Variants in PPP2R2B observed in about 807,000 individuals in gnomAD.
PPP2R2B encodes the protein serine/threonine-protein phosphatase 2A 55 kDa regulatory subunit B beta isoform.
In PPP2R2B, 5 loss-of-function variants were observed where a neutral mutation model predicts 46.0. That is an observed-to-expected ratio of 0.11 (90% CI 0.06 to 0.23). The LOEUF is 0.23. Among genes scored for constraint, PPP2R2B ranks in the 10% least tolerant of loss-of-function variants. The pLI, the probability that PPP2R2B is intolerant of heterozygous loss-of-function variation, is 1.00. For synonymous variants in PPP2R2B, 215 were observed against 206.7 expected (o/e 1.04, Z -0.34); for missense variants, 367 against 575.0 (o/e 0.64, Z 3.70).
At chr5:146,806,511 C>T (rs1757188013) in intron 2 of PPP2R2B, among the ~76,000 whole-genome samples, 1 of 152,198 alleles carries the variant, frequency 6.6e-6, no homozygotes, top group South Asian at 2.1e-4. Flanking sequence ...TCTTTCCATT[C>T]CTTCATGCTT....
chr5:146,749,505 T>C (rs1753404733), intron 2 of PPP2R2B, among the ~76,000 whole-genome samples: 1 of 152,150 alleles, frequency 6.6e-6, no homozygotes, highest in South Asian at 2.1e-4. Flanking sequence ...ACAGTGCATG[T>C]AGCATAAGAA....
chr5:146,876,949 A>T (rs1761930484), intron 2 of PPP2R2B, among the ~76,000 whole-genome samples: 2 of 152,186 alleles, frequency 1.3e-5, no homozygotes, highest in Admixed American at 1.3e-4. Context: ...ATATTACAGA[A>T]ATGTTAGCAT....
chr5:146,638,332 T>C lies in PPP2R2B; in HGVS notation c.709A>G (p.Thr237Ala). The C allele has an allele frequency of 6.2e-7, 1 of 1,613,744 alleles. No homozygotes were observed. Among genetic ancestry groups the C allele is most frequent in the Non-Finnish European group, 8.5e-7 (1 of 1,179,746 alleles). The change falls in exon 7 of 10, where the codon ACC becomes GCC. Residue 237 changes from threonine (T) to alanine (A), a missense_variant. Thr to Ala is a moderately conservative substitution (Grantham distance 58, BLOSUM62 0). Transcript: ENST00000394411. Reference sequence around the variant, plus strand: ...CCTTTGCTGCTGCTGTACACGAAGGTGTTGCAATGATGGGGGTGGAACTCG... The same window carrying C: ...CCTTTGCTGCTGCTGTACACGAAGGCGTTGCAATGATGGGGGTGGAACTCG... ...AAEFHPHHCN[T>A]FVYSSSKGTI...
chr5:147,034,803 C>G (rs144421121), intron 1 of PPP2R2B, among the ~76,000 whole-genome samples: 2 of 152,106 alleles, frequency 1.3e-5, no homozygotes, highest in East Asian at 3.8e-4. Context: ...TGGAATGTTT[C>G]CATTAGTTTC....
At chr5:147,049,309 C>T (rs1051415381) in intron 1 of PPP2R2B, among the ~76,000 whole-genome samples, 8 of 152,104 alleles carry the variant, frequency 5.3e-5, no homozygotes, top group Admixed American at 1.3e-4. Flanking sequence ...ATGTTTTTGT[C>T]GAGTCTCTAG....
At chr5:146,942,334 T>G (rs1412389347) in intron 1 of PPP2R2B, among the ~76,000 whole-genome samples, 1 of 152,228 alleles carries the variant, frequency 6.6e-6, no homozygotes, top group African/African-American at 2.4e-5. Context: ...AATAACCATG[T>G]TAACAATTTG....
intron 1 of PPP2R2B, among the ~76,000 whole-genome samples, chr5:146,887,428 T>C (rs1027033991): frequency 1.3e-5 from 2 of 152,100 alleles, no homozygotes; most frequent in African/African-American, 4.8e-5. Context: ...CCAAATAACA[T>C]TAATCTGATA....
At chr5:146,830,387 T>G (rs1485602013) in intron 2 of PPP2R2B, among the ~76,000 whole-genome samples, 1 of 152,254 alleles carries the variant, frequency 6.6e-6, no homozygotes, top group Non-Finnish European at 1.5e-5. Context: ...AAGGTTAATG[T>G]GACACTTAAA....
chr5:146,769,467 T>C (rs1754704879), intron 2 of PPP2R2B, among the ~76,000 whole-genome samples: 1 of 152,216 alleles, frequency 6.6e-6, no homozygotes, highest in African/African-American at 2.4e-5. Context: ...AATCGTTTCT[T>C]CTTATTATTT....
exon 1 of PPP2R2B, chr5:147,055,913 A>G (rs1757067309): frequency 3.5e-6 from 5 of 1,434,084 alleles, no homozygotes; most frequent in Non-Finnish European, 4.5e-6. Context: ...CCATTTTGCC[A>G]TCAGCGCCAG....
upstream of PPP2R2B, among the ~76,000 whole-genome samples, chr5:146,882,590 G>A (rs1017484409): frequency 3.3e-5 from 5 of 152,242 alleles, no homozygotes; most frequent in Non-Finnish European, 5.9e-5. Context: ...GAGATAATAC[G>A]TGGAAAAAAT....
chr5:147,064,190 C>T (rs1046298622), intron 2 of PPP2R2B, among the ~76,000 whole-genome samples: 1 of 152,192 alleles, frequency 6.6e-6, no homozygotes, highest in Non-Finnish European at 1.5e-5. Context: ...TGGATTACAT[C>T]TGGAGAGATT....
rs1770427570 is a variant in PPP2R2B at position 146,589,881 on chromosome 5, G to GAAAC, written c.*62_*65dup. 8.1e-6 allele frequency: 12 copies of GAAAC among 1,478,490 alleles called. No individual in the cohort carries two copies. The Admixed American group carries it at 1.2e-4, about 15-fold the overall frequency. The allele number at this position is 1,478,490 out of a possible 1,614,324, so 91.6% of individuals were successfully genotyped here. ...TCAATGCATCAAATGAAGACCCAAA[G>GAAAC]AAACATTTAAAAACTTGTTTGACTA... On this transcript the variant is annotated 3_prime_UTR_variant, in exon 10 of 10. Transcript: ENST00000394411.
At chr5:146,921,803 C>T (rs1763618001) in intron 1 of PPP2R2B, among the ~76,000 whole-genome samples, 1 of 152,140 alleles carries the variant, frequency 6.6e-6, no homozygotes, top group Admixed American at 6.5e-5. Flanking sequence ...GAACAGAGAC[C>T]ATGTCTCACT....
chr5:146,651,518 G>A (rs551346403), intron 5 of PPP2R2B, among the ~76,000 whole-genome samples: 10 of 152,190 alleles, frequency 6.6e-5, no homozygotes, highest in South Asian at 4.1e-4. Flanking sequence ...ACACATGACC[G>A]TCTTTCTGGC....
At chr5:147,029,829 G>A (rs536168676) in intron 1 of PPP2R2B, among the ~76,000 whole-genome samples, 13 of 152,186 alleles carry the variant, frequency 8.5e-5, no homozygotes, top group Middle Eastern at 3.4e-3. Context: ...AACCCATCCC[G>A]CCAGCACCTT....
chr5:146,810,358 T>A (rs1757451836), intron 2 of PPP2R2B, among the ~76,000 whole-genome samples: 1 of 152,164 alleles, frequency 6.6e-6, no homozygotes, highest in Non-Finnish European at 1.5e-5. Context: ...AGTTTCCCGT[T>A]ATAAAACCAT....
At chr5:146,808,995 G>GTGCA (rs373796137) in intron 2 of PPP2R2B, among the ~76,000 whole-genome samples, 1 of 125,620 alleles carries the variant, frequency 8.0e-6, no homozygotes, top group East Asian at 2.7e-4. Context: ...GTGTGTGTGT[G>GTGCA]CGCGCGCACC....
chr5:146,785,211 A>G (rs892679744), intron 2 of PPP2R2B, among the ~76,000 whole-genome samples: 8 of 152,146 alleles, frequency 5.3e-5, no homozygotes, highest in African/African-American at 1.9e-4. Flanking sequence ...AGGAGGAAGG[A>G]AGTGGGAGCT....
Sources: gnomAD v4.1 joint callset for allele counts (sites outside exome capture counted in the v4.1 genomes callset) on GRCh38, gnomAD v4.1.1 for gene constraint, MANE v1.5 for transcripts, NCBI Gene and HGNC (gene_info 2026-07-23, HGNC 2026-07-21) for gene names.